Variants in CREB5 observed in about 807,000 individuals in gnomAD.
CREB5 encodes cyclic AMP-responsive element-binding protein 5.
In CREB5, 19 loss-of-function variants were observed where a neutral mutation model predicts 57.1. The observed-to-expected ratio is 0.33, with a 90% confidence interval of 0.23 to 0.49. The LOEUF (loss-of-function observed/expected upper bound fraction) is 0.49. CREB5 is among the 20% of genes least tolerant of loss of function. The pLI is 0.99. For synonymous variants in CREB5, 238 were observed against 238.3 expected (o/e 1.00, Z 0.01); for missense variants, 579 against 671.6 (o/e 0.86, Z 1.52).
At chr7:28,806,956 A>G (rs530165133) in intron 8 of CREB5, among the ~76,000 whole-genome samples, 1 of 152,338 alleles carries the variant, frequency 6.6e-6, no homozygotes, top group African/African-American at 2.4e-5. Context: ...CAGTTAGCAC[A>G]TTCCCTCTTA....
chr7:28,372,588 C>T (rs978236), intron 1 of CREB5, among the ~76,000 whole-genome samples: 68,491 of 152,018 alleles, frequency 0.45, 17,452 homozygotes, highest in East Asian at 0.71. Flanking sequence ...TTAACTGGGA[C>T]GATAGTGTTA....
chr7:28,495,050 C>A (rs751386174), intron 3 of CREB5, 51 bp downstream of exon 3: 6 of 1,283,198 alleles, frequency 4.7e-6, no homozygotes, highest in Non-Finnish European at 6.4e-6. Context: ...CTGTTCCATG[C>A]GAGATACTTG....
chr7:28,405,488 C>T (rs764768513), intron 1 of CREB5, among the ~76,000 whole-genome samples: 3 of 152,166 alleles, frequency 2.0e-5, no homozygotes, highest in African/African-American at 4.8e-5. Context: ...CACTGCTCAT[C>T]GCAGCCTTGA....
At chr7:28,686,126 T>TAC in intron 5 of CREB5, 2 of 1,613,448 alleles carry the variant, frequency 1.2e-6, no homozygotes, top group Non-Finnish European at 1.7e-6. Flanking sequence ...GCTCAAATTC[T>TAC]ACACACACTC....
rs553149325 is a variant in CREB5 at position 28,511,762 on chromosome 7, C to T, written c.291+4025C>T. 3.3e-5 allele frequency among the ~76,000 whole-genome samples: 5 copies of T among 152,268 alleles called. No individual in the cohort carries two copies. The East Asian group carries it at 5.8e-4, about 18-fold the overall frequency. On this transcript the variant is annotated intron_variant, in intron 4 of 10. Coordinates refer to ENST00000357727, the MANE Select transcript of CREB5 (RefSeq NM_182898.4). ...CAGCCTCCCAAAGTGCTGGGATTAC[C>T]GGCGTGAGCCACTGTGCCCAGCCAG...
At chr7:28,713,048 T>A (rs754936259) in intron 5 of CREB5, among the ~76,000 whole-genome samples, 26 of 152,096 alleles carry the variant, frequency 1.7e-4, no homozygotes, top group Non-Finnish European at 2.6e-4. Context: ...TTTTAAAAAA[T>A]TTTTATTTAT....
intron 1 of CREB5, among the ~76,000 whole-genome samples, chr7:28,335,146 G>A (rs2127987606): frequency 6.6e-6 from 1 of 152,080 alleles, no homozygotes; most frequent in East Asian, 1.9e-4. Flanking sequence ...CTCCAGTTTT[G>A]TTCTTTTTGC....
intron 7 of CREB5, among the ~76,000 whole-genome samples, chr7:28,787,089 G>A (rs1014109386): frequency 3.9e-5 from 6 of 152,256 alleles, no homozygotes; most frequent in African/African-American, 1.4e-4. Flanking sequence ...CATACCTGCT[G>A]TGCAAATGAG....
chr7:28,794,878 A>G (rs1170707843), intron 7 of CREB5, among the ~76,000 whole-genome samples: 1 of 152,232 alleles, frequency 6.6e-6, no homozygotes, highest in Non-Finnish European at 1.5e-5. Flanking sequence ...GCCAAGATGT[A>G]TATATAGGGA....
chr7:28,626,341 G>T (rs950931609), intron 5 of CREB5, among the ~76,000 whole-genome samples: 1 of 152,166 alleles, frequency 6.6e-6, no homozygotes, highest in Non-Finnish European at 1.5e-5. Context: ...TTGGAAAATA[G>T]CACTAATACT....
chr7:28,484,618 T>C (rs1227824141), intron 1 of CREB5, among the ~76,000 whole-genome samples: 2 of 152,190 alleles, frequency 1.3e-5, no homozygotes, highest in African/African-American at 2.4e-5. Flanking sequence ...ATTCCAGTAT[T>C]ACGTTGCTAA....
intron 3 of CREB5, among the ~76,000 whole-genome samples, chr7:28,502,180 A>G (rs1466601518): frequency 1.3e-5 from 2 of 152,194 alleles, no homozygotes; most frequent in African/African-American, 4.8e-5. Flanking sequence ...ACACTCAATA[A>G]AAGGCACATT....
intron 4 of CREB5, among the ~76,000 whole-genome samples, chr7:28,539,222 C>G (rs1192004368): frequency 6.6e-6 from 1 of 152,178 alleles, no homozygotes; most frequent in African/African-American, 2.4e-5. Flanking sequence ...AGAATGGTAC[C>G]TGGCACATAG....
At chr7:28,670,433 C>T (rs1445920319) in intron 5 of CREB5, among the ~76,000 whole-genome samples, 5 of 152,126 alleles carry the variant, frequency 3.3e-5, no homozygotes, top group South Asian at 2.1e-4. Flanking sequence ...GCCTTTTAGT[C>T]GGTGATTTTA....
At chr7:28,809,488 CTTG>C (rs1259470208) in intron 9 of CREB5, 74 bp downstream of exon 9, 15 of 1,365,346 alleles carry the variant, frequency 1.1e-5, no homozygotes, top group South Asian at 2.8e-5. Context: ...CTGACAGGCA[CTTG>C]TTGACCTAAG....
intron 5 of CREB5, among the ~76,000 whole-genome samples, chr7:28,608,163 A>G (rs1027644594): frequency 6.8e-6 from 1 of 147,844 alleles, no homozygotes; most frequent in African/African-American, 2.5e-5. Flanking sequence ...ACACTCTCAA[A>G]CTTTCTTTGC....
At chr7:28,573,611 G>A (rs1222254099) in intron 5 of CREB5, among the ~76,000 whole-genome samples, 1 of 152,160 alleles carries the variant, frequency 6.6e-6, no homozygotes, top group Non-Finnish European at 1.5e-5. Flanking sequence ...GCTGCTGCAG[G>A]CAACCCCAAG....
At chr7:28,795,522 G>A (rs897229667) in intron 7 of CREB5, among the ~76,000 whole-genome samples, 1 of 152,122 alleles carries the variant, frequency 6.6e-6, no homozygotes, top group African/African-American at 2.4e-5. Flanking sequence ...CTAAAACCCT[G>A]GCATTGACTT....
intron 1 of CREB5, among the ~76,000 whole-genome samples, chr7:28,434,970 C>T (rs945712791): frequency 3.3e-5 from 5 of 152,010 alleles, no homozygotes; most frequent in Non-Finnish European, 7.4e-5. Flanking sequence ...TAATTTAGCA[C>T]GTGAATGTCT....
Sources: allele counts gnomAD v4.1 joint callset (sites outside exome capture counted in the v4.1 genomes callset), GRCh38; gene constraint gnomAD v4.1.1; transcripts MANE v1.5; gene names NCBI Gene and HGNC (gene_info 2026-07-23, HGNC 2026-07-21).